The following KLF8 variants were observed in gnomAD, a reference collection of about 807,000 sequenced individuals.
KLF8 encodes the protein KLF transcription factor 8, also known as Krueppel-like factor 8.
A neutral mutation model predicts 18.2 loss-of-function variants in KLF8; 10 were observed. That is an observed-to-expected ratio of 0.55 (90% CI 0.34 to 0.93). KLF8 has a LOEUF of 0.93. KLF8 is among the 40% of genes least tolerant of loss of function. The pLI, the probability that KLF8 is intolerant of heterozygous loss-of-function variation, is 0.02. For synonymous variants in KLF8, 109 were observed against 97.3 expected, an observed-to-expected ratio of 1.12 and a Z score of -0.71; for missense variants, 264 against 277.9, an observed-to-expected ratio of 0.95 and a Z score of 0.36.
At chrX:56,237,918 G>C (rs916330818) in intron 1 of KLF8, among the ~76,000 whole-genome samples, 2 of 111,848 alleles carry the variant, frequency 1.8e-5, no homozygotes, top group African/African-American at 6.5e-5. Flanking sequence ...AGGAGAAAGA[G>C]TGAATTCTCT....
the KLF8 span, among the ~76,000 whole-genome samples, chrX:56,153,133 C>A: frequency 7.2e-5 from 8 of 110,656 alleles, no homozygotes; most frequent in African/African-American, 2.0e-4. Flanking sequence ...ATAAGTAAGC[C>A]AATAATATAT....
At chrX:56,057,655 G>A in the KLF8 span, among the ~76,000 whole-genome samples, 1 of 111,437 alleles carries the variant, frequency 9.0e-6, no homozygotes, top group African/African-American at 3.3e-5. Context: ...GCCAACTGGA[G>A]AGGCCAGGAA....
the KLF8 span, among the ~76,000 whole-genome samples, chrX:56,098,805 C>T: frequency 1.8e-5 from 2 of 111,413 alleles, no homozygotes; most frequent in African/African-American, 6.5e-5. Flanking sequence ...GTCTCTCTTG[C>T]AGATGACATG....
At chrX:56,091,854 G>T in the KLF8 span, among the ~76,000 whole-genome samples, 1 of 111,623 alleles carries the variant, frequency 9.0e-6, no homozygotes, top group African/African-American at 3.3e-5. Flanking sequence ...TAGATTGAAT[G>T]CTAGTTCCAT....
At chrX:56,061,150 G>C in the KLF8 span, among the ~76,000 whole-genome samples, 1 of 111,422 alleles carries the variant, frequency 9.0e-6, no homozygotes, top group Non-Finnish European at 1.9e-5. Flanking sequence ...AGGGTGTTTT[G>C]TGTCTCTATC....
At chrX:56,111,378 C>CT in the KLF8 span, among the ~76,000 whole-genome samples, 1 of 111,210 alleles carries the variant, frequency 9.0e-6, no homozygotes, top group Non-Finnish European at 1.9e-5. Context: ...ATTCAACAGT[C>CT]TATCAAATTT....
the KLF8 span, among the ~76,000 whole-genome samples, chrX:56,217,828 G>A: frequency 9.0e-6 from 1 of 111,644 alleles, no homozygotes; most frequent in African/African-American, 3.3e-5. Flanking sequence ...AATTAGGATT[G>A]GGAATGTGGA....
the KLF8 span, among the ~76,000 whole-genome samples, chrX:56,194,734 G>GA: frequency 8.9e-6 from 1 of 112,260 alleles, no homozygotes; most frequent in Admixed American, 9.4e-5. Flanking sequence ...TGAGCTTTGA[G>GA]AACGGACAGA....
At chrX:55,915,833 T>A in the KLF8 span, among the ~76,000 whole-genome samples, 1 of 111,916 alleles carries the variant, frequency 8.9e-6, no homozygotes, top group Non-Finnish European at 1.9e-5. Context: ...ACAAGAGCAA[T>A]GTGACTGGAT....
chrX:56,201,799 T>A, the KLF8 span, among the ~76,000 whole-genome samples: 1 of 111,613 alleles, frequency 9.0e-6, no homozygotes, highest in East Asian at 2.8e-4. Context: ...TAAAATTACA[T>A]TAATAGAGGC....
At chrX:55,949,497 C>A in the KLF8 span, among the ~76,000 whole-genome samples, 1 of 110,672 alleles carries the variant, frequency 9.0e-6, no homozygotes, top group Admixed American at 9.7e-5. Flanking sequence ...AGCTCACAGA[C>A]AAGAAAACAA....
chrX:56,158,763 C>T, the KLF8 span, among the ~76,000 whole-genome samples: 24 of 111,551 alleles, frequency 2.2e-4, no homozygotes, highest in Admixed American at 4.8e-4. Context: ...CTGAAGTTGC[C>T]TATCAGCTTA....
At chrX:55,919,269 C>T in the KLF8 span, among the ~76,000 whole-genome samples, 1 of 112,028 alleles carries the variant, frequency 8.9e-6, no homozygotes, top group East Asian at 2.8e-4. Context: ...GACTAGCTTG[C>T]AGCTCCTGGT....
the KLF8 span, among the ~76,000 whole-genome samples, chrX:56,191,732 ATCATT>A: frequency 9.0e-6 from 1 of 111,673 alleles, no homozygotes; most frequent in African/African-American, 3.2e-5. Context: ...ATCATTCTTG[ATCATT>A]TCAATTGATG....
the KLF8 span, among the ~76,000 whole-genome samples, chrX:56,165,640 G>A: frequency 1.8e-5 from 2 of 111,670 alleles, no homozygotes; most frequent in African/African-American, 6.5e-5. Flanking sequence ...GCTGAGTTGA[G>A]GATTGCTTGA....
the KLF8 span, among the ~76,000 whole-genome samples, chrX:55,991,521 G>A: frequency 2.7e-5 from 3 of 111,541 alleles, no homozygotes; most frequent in South Asian, 7.7e-4. Flanking sequence ...TGCACCCACT[G>A]TCTGACACTC....
At chrX:56,053,112 C>T in the KLF8 span, among the ~76,000 whole-genome samples, 112 of 112,162 alleles carry the variant, frequency 1.0e-3, no homozygotes, top group African/African-American at 3.5e-3. Context: ...GGCAATGCCT[C>T]GCCCTGCTTC....
chrX:56,175,335 T>C, the KLF8 span, among the ~76,000 whole-genome samples: 2 of 112,331 alleles, frequency 1.8e-5, no homozygotes, highest in Admixed American at 1.9e-4. Flanking sequence ...TCTTTATTTC[T>C]GCCTTCTTTT....
the KLF8 span, among the ~76,000 whole-genome samples, chrX:56,194,262 G>A: frequency 2.7e-5 from 3 of 111,353 alleles, no homozygotes; most frequent in Non-Finnish European, 5.7e-5. Context: ...AGGGCAGGGC[G>A]TCACGTCTCC....
Sources: gnomAD v4.1 joint callset for allele counts (sites outside exome capture counted in the v4.1 genomes callset) on GRCh38, gnomAD v4.1.1 for gene constraint, MANE v1.5 for transcripts, NCBI Gene and HGNC (gene_info 2026-07-23, HGNC 2026-07-21) for gene names.